Variants in PDE6A observed in about 807,000 individuals in gnomAD.
The protein encoded by PDE6A is rod cGMP-specific 3',5'-cyclic phosphodiesterase subunit alpha.
A neutral mutation model predicts 106.3 loss-of-function variants in PDE6A; 84 were observed. The observed-to-expected ratio is 0.79, with a 90% CI of 0.66 to 0.95. The LOEUF is 0.95. PDE6A is among the 40% of genes least tolerant of loss of function. The pLI is 0.00. For synonymous variants in PDE6A, 394 were observed against 386.6 expected (o/e 1.02, Z -0.23); for missense variants, 1,052 against 1,084.9 (o/e 0.97, Z 0.43).
intron 15 of PDE6A, 50 bp downstream of exon 15, chr5:149,884,730 A>G: frequency 6.5e-7 from 1 of 1,544,726 alleles, no homozygotes; most frequent in Non-Finnish European, 9.0e-7. Context: ...TGTGAAATAG[A>G]GCCTCTGATC....
At chr5:149,916,551 T>A (rs544820277) in intron 5 of PDE6A, among the ~76,000 whole-genome samples, 26 of 152,290 alleles carry the variant, frequency 1.7e-4, no homozygotes, top group South Asian at 8.3e-4. Context: ...CTCTCCCGCC[T>A]CCTTGCATTG....
rs1228325896 is a variant in PDE6A, at chr5:149,872,155, GA to G, written c.2136-3998del. On this transcript the variant is annotated intron_variant, in intron 17 of 21. Transcript: ENST00000255266. ...CAGGGCTTTGGAATCAGACAGAGCT[GA>G]ATTAGACCTTCCATCTCCTCCCCAC... Among the ~76,000 whole-genome samples, 9 of 152,300 alleles carry G rather than the reference GA, an allele frequency of 5.9e-5. No homozygotes were observed. In the East Asian group the frequency reaches 1.4e-3, roughly 23 times the overall value.
chr5:149,935,232 T>C (rs904404665), intron 1 of PDE6A, among the ~76,000 whole-genome samples: 1 of 151,196 alleles, frequency 6.6e-6, no homozygotes, highest in African/African-American at 2.4e-5. Context: ...AAGGTTAATG[T>C]CATGTGTGTA....
intron 3 of PDE6A, among the ~76,000 whole-genome samples, chr5:149,931,419 T>C (rs1039427364): frequency 6.6e-6 from 1 of 152,198 alleles, no homozygotes; most frequent in South Asian, 2.1e-4. Context: ...TTCTGTAGTT[T>C]TTAAAAATTG....
At chr5:149,877,237 G>A (rs531230796) in intron 17 of PDE6A, among the ~76,000 whole-genome samples, 3 of 152,176 alleles carry the variant, frequency 2.0e-5, no homozygotes, top group South Asian at 4.2e-4. Flanking sequence ...GGGGTTCAGG[G>A]GGAGTGCCTG....
intron 17 of PDE6A, among the ~76,000 whole-genome samples, chr5:149,879,109 T>C (rs1349763689): frequency 6.6e-6 from 1 of 152,186 alleles, no homozygotes; most frequent in African/African-American, 2.4e-5. Context: ...TCTTGCTCTG[T>C]CACCCAGGCT....
chr5:149,891,743 C>G (rs1752553953), intron 13 of PDE6A, among the ~76,000 whole-genome samples: 1 of 151,478 alleles, frequency 6.6e-6, no homozygotes, highest in Admixed American at 6.6e-5. Context: ...GTCAAGGCTA[C>G]AGTGAGCCAT....
intron 14 of PDE6A, 90 bp downstream of exon 14, chr5:149,886,175 T>C (rs775034392): frequency 1.0e-6 from 1 of 962,066 alleles, no homozygotes; most frequent in Non-Finnish European, 1.7e-6. Flanking sequence ...ACCACAAGAC[T>C]TCCCTGTTGG....
At chr5:149,862,335 T>C (rs1581143325) in intron 21 of PDE6A, among the ~76,000 whole-genome samples, 1 of 152,228 alleles carries the variant, frequency 6.6e-6, no homozygotes, top group East Asian at 1.9e-4. Context: ...AAGACCTTTC[T>C]AATAGTGGTA....
At chr5:149,936,070 C>T (rs1388691670) in intron 1 of PDE6A, among the ~76,000 whole-genome samples, 1 of 151,898 alleles carries the variant, frequency 6.6e-6, no homozygotes, top group Non-Finnish European at 1.5e-5. Context: ...AGGAGGATTG[C>T]TTGAGCCCAG....
At chr5:149,898,259 G>T in intron 10 of PDE6A, 104 bp downstream of exon 10, 1 of 994,214 alleles carries the variant, frequency 1.0e-6, no homozygotes, top group Non-Finnish European at 1.6e-6. Context: ...ACAAACCCAT[G>T]CCCAGGCTGT....
In PDE6A at chr5:149,863,627, C is replaced by CT. The variant is rs70973547; in HGVS notation, c.2359-362dup. Among the ~76,000 whole-genome samples, 163 of 145,898 alleles carry CT rather than the reference C, an allele frequency of 1.1e-3. No individual in the cohort carries two copies. Among genetic ancestry groups the CT allele is most frequent in the Non-Finnish European group, 1.6e-3 (109 of 67,090 alleles). On this transcript the variant is annotated intron_variant, in intron 20 of 21. Transcript: ENST00000255266. This position sits in a 1 kb window ranked among gnomAD's most constrained non-coding sequence, Gnocchi z 4.7. Reference sequence around the variant, plus strand: ...TGAGCCTCACACAAGCTGCTCTTTTCTTTTTTTTTTCTTTCCAAGACAGGG... The same window carrying CT: ...TGAGCCTCACACAAGCTGCTCTTTTCTTTTTTTTTTTCTTTCCAAGACAGGG...
intron 16 of PDE6A, among the ~76,000 whole-genome samples, chr5:149,884,021 C>T (rs114718613): frequency 0.013 from 1,921 of 151,734 alleles, 18 homozygotes; most frequent in South Asian, 0.036. Flanking sequence ...AGTGAGAACC[C>T]ATCTTTACAG....
Position 149,915,010 on chromosome 5 carries a change from G to T in PDE6A, c.934-3C>A. On this transcript the variant is annotated splice_polypyrimidine_tract_variant and splice_region_variant and intron_variant, in intron 5 of 21. Transcript: ENST00000255266. ...ATGACCTTGTAAAAGTTAATTTCCT[G>T]GCAAAAGAGAGAAAAATTATACTTT... 1 of 1,546,886 alleles carries T rather than the reference G, an allele frequency of 6.5e-7. No homozygotes were observed.
Position 149,944,213 on chromosome 5 carries a change from G to A in PDE6A, c.461C>T (p.Pro154Leu), listed in dbSNP as rs766132231. The A allele has an allele frequency of 6.2e-7, 1 of 1,612,972 alleles. No individual in the cohort carries two copies. The highest frequency in any genetic ancestry group is 2.2e-5 in the East Asian group (1 of 44,830). ...GGAAGAGAGTACCTCCTCTGTGTTGGGGACGTTAGCAATCTTCTTAGAGTG... is the reference window on the plus strand; with the variant it reads ...GGAAGAGAGTACCTCCTCTGTGTTGAGGACGTTAGCAATCTTCTTAGAGTG... ...VAHSKKIANV[P>L]NTEEDEHFCD... Residue 154 changes from proline to leucine, a missense_variant, in exon 1 of 22, where the codon CCC (proline) becomes CTC (leucine). Physicochemically the swap from Pro to Leu is moderately conservative, Grantham distance 98. Around this residue, in one of 3 missense-constraint regions of PDE6A, gnomAD observed 913 missense variants for 915.2 expected, o/e 1.00. Coordinates refer to ENST00000255266, the MANE Select transcript of PDE6A (RefSeq NM_000440.3).
intron 8 of PDE6A, among the ~76,000 whole-genome samples, 199 bp downstream of exon 8, chr5:149,903,449 T>A (rs152951): frequency 6.6e-6 from 1 of 151,640 alleles, no homozygotes; most frequent in Admixed American, 6.6e-5. Flanking sequence ...AGAGTGTGAA[T>A]GTTAAAACTG....
intron 7 of PDE6A, among the ~76,000 whole-genome samples, chr5:149,904,145 G>A (rs1163668993): frequency 3.3e-5 from 5 of 152,332 alleles, no homozygotes; most frequent in African/African-American, 1.2e-4. Flanking sequence ...TACTCTGGAG[G>A]TTGAGGTGGG....
At chr5:149,919,100 A>T (rs1251222654) in intron 5 of PDE6A, among the ~76,000 whole-genome samples, 2 of 152,098 alleles carry the variant, frequency 1.3e-5, no homozygotes, top group Non-Finnish European at 2.9e-5. Context: ...CCTTAGGGCC[A>T]CCTGTCCTTG....
Position 149,931,182 on chromosome 5 carries a change from A to G in PDE6A, c.718-14T>C. The stretch of plus-strand genomic sequence containing the variant: ...CCACAGCAGTATCTGAAAAAACACA[A>G]AAACATATTCATAGGTTTTGAGGTG... On this transcript the variant is annotated splice_polypyrimidine_tract_variant and intron_variant, in intron 3 of 21. Coordinates refer to ENST00000255266, the MANE Select transcript of PDE6A (RefSeq NM_000440.3). 3 of 1,614,108 alleles carry G rather than the reference A, an allele frequency of 1.9e-6. No homozygotes were observed. The highest frequency in any genetic ancestry group is 2.5e-6 in the Non-Finnish European group (3 of 1,179,948).
Sources: gnomAD v4.1 joint callset for allele counts (sites outside exome capture counted in the v4.1 genomes callset) on GRCh38, gnomAD v4.1.1 for gene constraint, gnomAD v4.1.1 regional missense constraint, Gnocchi (gnomAD v3.1) non-coding constraint, MANE v1.5 for transcripts, NCBI Gene and HGNC (gene_info 2026-07-23, HGNC 2026-07-21) for gene names.